LINC00305: variants seen among roughly 807,000 people sequenced by gnomAD.
LINC00305 encodes the protein long independently transcribed non-coding RNA 305, also known as long intergenic non-protein coding RNA 305.
chr18:64,097,313 T>C (rs1183519669), intron 3 of LINC00305, among the ~76,000 whole-genome samples: 1 of 152,136 alleles, frequency 6.6e-6, no homozygotes, highest in Admixed American at 6.6e-5. Flanking sequence ...ATTTATATTA[T>C]ATACAATTAT....
intron 1 of LINC00305, among the ~76,000 whole-genome samples, chr18:64,117,878 C>T (rs1299901115): frequency 1.3e-5 from 2 of 152,264 alleles, no homozygotes; most frequent in East Asian, 3.9e-4. Flanking sequence ...AAACGATCCA[C>T]GATGTCAGGT....
rs151041112 is a variant in LINC00305 at position 64,137,101 on chromosome 18, C to T, written n.314+11674G>A. Among the ~76,000 whole-genome samples the T allele has an allele frequency of 1.2e-3, 183 of 152,238 alleles. 1 individual carries two copies. The highest frequency in any genetic ancestry group is 4.1e-3 in the African/African-American group (170 of 41,548). ...GATTCTCATGAGTCTTAATTAGTGA[C>T]TGGTGTCTTTCTAAGGGAGAGGATA... is the stretch of plus-strand genomic sequence containing the variant. On this transcript the variant is annotated intron_variant and non_coding_transcript_variant, in intron 1 of 3. Transcript: ENST00000666468.
chr18:64,087,373 G>C (rs2051207285), intron 3 of LINC00305, among the ~76,000 whole-genome samples: 1 of 152,138 alleles, frequency 6.6e-6, no homozygotes, highest in Non-Finnish European at 1.5e-5. Flanking sequence ...CAAGCCATTA[G>C]CAGCTCTTTA....
intron 1 of LINC00305, among the ~76,000 whole-genome samples, chr18:64,143,192 T>G (rs1432132273): frequency 6.6e-6 from 1 of 152,190 alleles, no homozygotes; most frequent in Non-Finnish European, 1.5e-5. Context: ...ATTTAGTCCT[T>G]TATTTAAAAA....
intron 1 of LINC00305, among the ~76,000 whole-genome samples, chr18:64,125,002 TAACC>T (rs999794695): frequency 6.6e-6 from 1 of 152,116 alleles, no homozygotes; most frequent in African/African-American, 2.4e-5. Flanking sequence ...TTTCTTTTCC[TAACC>T]ATCCATCATT....
intron 3 of LINC00305, among the ~76,000 whole-genome samples, chr18:64,093,569 A>G (rs1220080345): frequency 6.6e-6 from 1 of 152,078 alleles, no homozygotes; most frequent in African/African-American, 2.4e-5. Context: ...CCTGACCTCA[A>G]ATGATCCACC....
intron 1 of LINC00305, among the ~76,000 whole-genome samples, chr18:64,132,304 G>T (rs2051413139): frequency 6.6e-6 from 1 of 152,196 alleles, no homozygotes; most frequent in Non-Finnish European, 1.5e-5. Context: ...TAGCTCTATT[G>T]TTAAATAGAT....
intron 1 of LINC00305, among the ~76,000 whole-genome samples, chr18:64,102,637 C>A (rs1278590635): frequency 6.6e-6 from 1 of 152,062 alleles, no homozygotes; most frequent in African/African-American, 2.4e-5. Flanking sequence ...ATTTAACTGG[C>A]TCATGGTTCT....
intron 1 of LINC00305, among the ~76,000 whole-genome samples, chr18:64,144,377 G>C (rs1210128479): frequency 1.3e-5 from 2 of 152,112 alleles, no homozygotes; most frequent in African/African-American, 4.8e-5. Context: ...TAAGATGATG[G>C]AATTAAGGAA....
In LINC00305 at chr18:64,148,034, C is replaced by T. The variant is rs139568279; in HGVS notation, n.314+741G>A. On this transcript the variant is annotated intron_variant and non_coding_transcript_variant, in intron 1 of 3. Coordinates refer to ENST00000666468, the Ensembl canonical transcript of LINC00305. ...GTACGTTCTTAGATGCTGTGCTGACCATGGGGCCCCTAGGAGACATGGGTT... is the reference window on the plus strand; with the variant it reads ...GTACGTTCTTAGATGCTGTGCTGACTATGGGGCCCCTAGGAGACATGGGTT... Among the ~76,000 whole-genome samples the T allele has an allele frequency of 1.0e-3, 156 of 152,018 alleles. No homozygotes were observed. In the East Asian group the frequency reaches 0.026, roughly 25 times the overall value.
chr18:64,116,124 C>T (rs1298150589), intron 1 of LINC00305, among the ~76,000 whole-genome samples: 1 of 152,160 alleles, frequency 6.6e-6, no homozygotes, highest in Non-Finnish European at 1.5e-5. Context: ...ATTGCGACAT[C>T]CTTAAAGTCT....
chr18:64,135,143 A>T (rs2051426862), intron 1 of LINC00305, among the ~76,000 whole-genome samples: 1 of 152,006 alleles, frequency 6.6e-6, no homozygotes, highest in Non-Finnish European at 1.5e-5. Flanking sequence ...TCTTTTCACA[A>T]CGTGTTCTCT....
intron 1 of LINC00305, among the ~76,000 whole-genome samples, chr18:64,118,903 A>T (rs984892696): frequency 6.6e-6 from 1 of 151,682 alleles, no homozygotes; most frequent in Admixed American, 6.6e-5. Context: ...ATTACACTTC[A>T]TACAAAGTAG....
intron 3 of LINC00305, among the ~76,000 whole-genome samples, chr18:64,084,582 C>T (rs1280462699): frequency 6.6e-6 from 1 of 152,196 alleles, no homozygotes; most frequent in Non-Finnish European, 1.5e-5. Context: ...TGAATAGTAT[C>T]ATTTGAGTAT....
intron 1 of LINC00305, among the ~76,000 whole-genome samples, chr18:64,113,401 G>C (rs574943628): frequency 1.2e-3 from 180 of 152,300 alleles, no homozygotes; most frequent in African/African-American, 4.2e-3. Flanking sequence ...CTGGAAAAGA[G>C]CTATAAATTA....
At chr18:64,114,021 G>A (rs1438548225) in intron 1 of LINC00305, among the ~76,000 whole-genome samples, 1 of 152,194 alleles carries the variant, frequency 6.6e-6, no homozygotes, top group Non-Finnish European at 1.5e-5. Context: ...TGTAATCCCA[G>A]CACTTTGGGA....
intron 1 of LINC00305, among the ~76,000 whole-genome samples, chr18:64,143,777 TGTATGTAC>T: frequency 1.0e-5 from 1 of 98,954 alleles, no homozygotes; most frequent in African/African-American, 3.6e-5. Context: ...TATGCGTACA[TGTATGTAC>T]ACATATTATG....
In LINC00305 at chr18:64,095,733, A is replaced by C. The variant is rs530633481; in HGVS notation, n.540+2101T>G. ...TGGGTGGAGAAAAGAAACAGATCAG[A>C]GAGAAATAGCAGATAGAATACATTT... On this transcript the variant is annotated intron_variant and non_coding_transcript_variant, in intron 3 of 3. Transcript: ENST00000666468. 2.0e-5 allele frequency among the ~76,000 whole-genome samples: 3 copies of C among 152,316 alleles called. No homozygotes were observed. The East Asian group carries it at 5.8e-4, about 29-fold the overall frequency.
intron 1 of LINC00305, among the ~76,000 whole-genome samples, chr18:64,113,903 C>T (rs1223210533): frequency 3.9e-5 from 6 of 152,172 alleles, no homozygotes; most frequent in Non-Finnish European, 7.3e-5. Flanking sequence ...TCCATTTCTA[C>T]TGGTATATTC....
Sources: gnomAD v4.1 joint callset for allele counts (sites outside exome capture counted in the v4.1 genomes callset) on GRCh38, gnomAD v4.1.1 for gene constraint, MANE v1.5 for transcripts, NCBI Gene and HGNC (gene_info 2026-07-23, HGNC 2026-07-21) for gene names.